The following FARS2 variants were observed in gnomAD, a reference collection of about 807,000 sequenced individuals.
The protein encoded by FARS2 is phenylalanine--tRNA ligase, mitochondrial.
FARS2 carries 40 observed loss-of-function variants against 46.4 expected under a neutral mutation model. The ratio of observed to expected loss-of-function variants is 0.86; its 90% CI spans 0.67 to 1.12. FARS2 has a LOEUF of 1.12. Ranked by LOEUF, FARS2 falls within the 50% of genes most tolerant of loss-of-function variation. The probability of loss-of-function intolerance (pLI) is 0.00; values close to 1 mark genes in which losing one functional copy is unlikely to be tolerated. For synonymous variants in FARS2, 234 were observed against 214.9 expected (o/e 1.09, Z -0.78); for missense variants, 513 against 567.9 (o/e 0.90, Z 0.98).
chr6:5,557,353 GACC>G (rs1771722347), intron 5 of FARS2, among the ~76,000 whole-genome samples: 1 of 152,110 alleles, frequency 6.6e-6, no homozygotes, highest in African/African-American at 2.4e-5. Flanking sequence ...ATGGTGACGG[GACC>G]ACAAGCATTA....
chr6:5,257,172 G>A (rs1266961984), upstream of FARS2, among the ~76,000 whole-genome samples: 1 of 152,036 alleles, frequency 6.6e-6, no homozygotes, highest in Non-Finnish European at 1.5e-5. Flanking sequence ...TGAGCTAAGG[G>A]TAAAGTCCAG....
chr6:5,692,078 C>T (rs564599322), intron 6 of FARS2, among the ~76,000 whole-genome samples: 1 of 152,316 alleles, frequency 6.6e-6, no homozygotes, highest in South Asian at 2.1e-4. Flanking sequence ...TTTCCAGGTG[C>T]CATCTGTCAC....
chr6:5,272,814 C>G (rs1766057794), intron 1 of FARS2, among the ~76,000 whole-genome samples: 1 of 152,172 alleles, frequency 6.6e-6, no homozygotes, highest in Non-Finnish European at 1.5e-5. Context: ...CCCTCCTGCC[C>G]TGTACCCTTC....
chr6:5,465,216 A>G (rs1442981406), intron 4 of FARS2, among the ~76,000 whole-genome samples: 1 of 152,214 alleles, frequency 6.6e-6, no homozygotes. Context: ...TTTAATAGTT[A>G]ATTTTTGTGT....
At chr6:5,513,407 A>G (rs185380682) in intron 4 of FARS2, among the ~76,000 whole-genome samples, 3 of 152,322 alleles carry the variant, frequency 2.0e-5, no homozygotes, top group Admixed American at 6.5e-5. Context: ...CATACCAGAA[A>G]GTACTGACAG....
At chr6:5,525,674 C>T (rs1010406808) in intron 4 of FARS2, among the ~76,000 whole-genome samples, 2 of 152,234 alleles carry the variant, frequency 1.3e-5, no homozygotes, top group African/African-American at 4.8e-5. Context: ...GTTCAAAGAG[C>T]TTGCCTAGGT....
chr6:5,304,525 T>A (rs751888013), intron 1 of FARS2, among the ~76,000 whole-genome samples: 2 of 152,230 alleles, frequency 1.3e-5, no homozygotes, highest in African/African-American at 2.4e-5. Flanking sequence ...GGCAGATTGC[T>A]TTCCAGAAGA....
At chr6:5,723,989 C>T (rs980630585) in intron 6 of FARS2, among the ~76,000 whole-genome samples, 2 of 123,082 alleles carry the variant, frequency 1.6e-5, no homozygotes, top group African/African-American at 2.7e-5. Context: ...GGCTGTCCAC[C>T]GCACAGGGGC....
chr6:5,566,016 A>T (rs1322264326), intron 5 of FARS2, among the ~76,000 whole-genome samples: 1 of 152,192 alleles, frequency 6.6e-6, no homozygotes, highest in Admixed American at 6.5e-5. Flanking sequence ...AAATCTTTAC[A>T]AACCTTTCAT....
chr6:5,429,485 C>A (rs1763038818), intron 3 of FARS2, among the ~76,000 whole-genome samples: 1 of 152,098 alleles, frequency 6.6e-6, no homozygotes, highest in Non-Finnish European at 1.5e-5. Flanking sequence ...TTTTGATGGG[C>A]AGGCAATTAT....
chr6:5,341,198 T>G (rs1561969554), intron 1 of FARS2, among the ~76,000 whole-genome samples: 29 of 5,734 alleles, frequency 5.1e-3, no homozygotes, highest in Non-Finnish European at 8.7e-3. Context: ...GATATATATA[T>G]ATATATATAT....
chr6:5,253,244 T>C, the FARS2 span, among the ~76,000 whole-genome samples: 2 of 152,240 alleles, frequency 1.3e-5, no homozygotes, highest in Non-Finnish European at 2.9e-5. Context: ...CAATAACATA[T>C]TTCTTAAGCT....
intron 4 of FARS2, among the ~76,000 whole-genome samples, chr6:5,526,765 C>T (rs1221881435): frequency 6.6e-6 from 1 of 152,050 alleles, no homozygotes; most frequent in East Asian, 1.9e-4. Flanking sequence ...TACAGGTGCC[C>T]ACCCCTACAC....
chr6:5,338,410 G>C (rs1771313166), intron 1 of FARS2, among the ~76,000 whole-genome samples: 4 of 152,148 alleles, frequency 2.6e-5, no homozygotes, highest in Non-Finnish European at 5.9e-5. Flanking sequence ...TTGGATGCAG[G>C]TGTGTCGTCT....
intron 4 of FARS2, among the ~76,000 whole-genome samples, chr6:5,458,806 C>G (rs1486635002): frequency 6.6e-6 from 1 of 152,122 alleles, no homozygotes; most frequent in African/African-American, 2.4e-5. Flanking sequence ...CACAAACATG[C>G]TGGTAGCAAT....
chr6:5,252,087 T>C, the FARS2 span, among the ~76,000 whole-genome samples: 1 of 152,320 alleles, frequency 6.6e-6, no homozygotes, highest in East Asian at 1.9e-4. Flanking sequence ...AGCACTTAGG[T>C]TGATCAGGAC....
chr6:5,450,722 G>A (rs1229994826), intron 4 of FARS2, among the ~76,000 whole-genome samples: 1 of 151,944 alleles, frequency 6.6e-6, no homozygotes, highest in Non-Finnish European at 1.5e-5. Context: ...CAGGCACAAG[G>A]GACAGCCTGT....
At chr6:5,250,512 G>C in the FARS2 span, among the ~76,000 whole-genome samples, 1 of 151,856 alleles carries the variant, frequency 6.6e-6, no homozygotes, top group Non-Finnish European at 1.5e-5. Context: ...GCAGAACTTA[G>C]CAATGTAAGA....
chr6:5,638,261 G>A (rs1193090737), intron 6 of FARS2, among the ~76,000 whole-genome samples: 1 of 152,192 alleles, frequency 6.6e-6, no homozygotes, highest in Non-Finnish European at 1.5e-5. Context: ...CAAGCTGTTA[G>A]GGGAGACTTA....
Sources: allele counts gnomAD v4.1 joint callset (sites outside exome capture counted in the v4.1 genomes callset), GRCh38; gene constraint gnomAD v4.1.1; transcripts MANE v1.5; gene names NCBI Gene and HGNC (gene_info 2026-07-23, HGNC 2026-07-21).